RIF1: variants seen among roughly 807,000 people sequenced by gnomAD.
RIF1 encodes replication timing regulatory factor 1.
Under a neutral mutation model 247.1 loss-of-function variants are expected in RIF1, and 45 were observed. The ratio of observed to expected loss-of-function variants is 0.18; its 90% confidence interval spans 0.14 to 0.23. The LOEUF (loss-of-function observed/expected upper bound fraction) is 0.23. RIF1 is among the 10% of genes least tolerant of loss of function. RIF1 has a pLI of 1.00. For missense variants in RIF1, 2,967 were observed against 2,862.5 expected (o/e 1.04, Z -0.83); for synonymous variants, 1,087 against 978.8 (o/e 1.11, Z -2.06).
chr2:151,458,351 G>T (rs2152472377), intron 24 of RIF1, among the ~76,000 whole-genome samples: 1 of 149,502 alleles, frequency 6.7e-6, no homozygotes, highest in East Asian at 2.0e-4. Context: ...TCCTGCCTCA[G>T]CCTCCTGAGT....
rs2048993153 is a variant in RIF1, at chr2:151,477,617, G to A, written c.*2546G>A. The A allele has an allele frequency of 2.0e-5, 3 of 152,176 alleles. No individual in the cohort carries two copies. In the South Asian group the frequency reaches 6.2e-4, roughly 32 times the overall value. 9.4% of individuals were successfully genotyped at this position (152,176 alleles called of 1,614,324 possible). A position where few individuals can be genotyped will look rare whatever the true frequency, so the allele number is the denominator to read the frequency against. The stretch of plus-strand genomic sequence containing the variant: ...TTTTAGTAGAGAAGGGGTTCACTGT[G>A]TTAGCCAGGATGGTCTTGATCTGAC... On this transcript the variant is annotated 3_prime_UTR_variant, in exon 36 of 36. Transcript: ENST00000444746.
intron 9 of RIF1, chr2:151,494,280 G>T: frequency 6.8e-7 from 1 of 1,473,876 alleles, no homozygotes; most frequent in Non-Finnish European, 9.3e-7. Context: ...GGTCCAAAAA[G>T]CCAAAAAGAA....
At chr2:151,497,393 T>C in intron 10 of RIF1, 1 of 978,638 alleles carries the variant, frequency 1.0e-6, no homozygotes, top group South Asian at 4.7e-5. Flanking sequence ...CTCATTATTT[T>C]AAAAAAAAGA....
chr2:151,534,253 G>A, the RIF1 span: 25 of 1,613,730 alleles, frequency 1.5e-5, no homozygotes, highest in East Asian at 5.6e-4. Context: ...GCCAGCAGAT[G>A]TCTAGGCTCA....
Position 151,436,838 on chromosome 2 carries a change from C to A in RIF1, c.1207C>A (p.Pro403Thr). ...MTPVHKGASS[P>T]YGAPGTPRMN... Reference sequence around the variant, plus strand: ...TTTTTTTCTTAAAGGTGCTTCCTCCCCGTACGGAGCCCCGGGAACTCCCCG... The same window carrying A: ...TTTTTTTCTTAAAGGTGCTTCCTCCACGTACGGAGCCCCGGGAACTCCCCG... Residue 403 changes from proline (P) to threonine (T), a missense_variant, in exon 12 of 36, where the codon CCG becomes ACG. Physicochemically the swap from Pro to Thr is conservative, Grantham distance 38 (BLOSUM62 -1). This residue lies in a region of RIF1 where 369 missense variants were observed against 322.0 expected (regional missense o/e 1.15). Transcript: ENST00000444746. 2 of 1,597,720 alleles carry A rather than the reference C, an allele frequency of 1.3e-6. No homozygotes were observed. The highest frequency in any genetic ancestry group is 2.3e-5 in the South Asian group (2 of 87,314).
chr2:151,494,834 G>C (rs1314009867), intron 9 of RIF1: 1 of 152,676 alleles, frequency 6.5e-6, no homozygotes, highest in Non-Finnish European at 1.5e-5. Flanking sequence ...TTTTTTAGTA[G>C]AGACGGGGTT....
chr2:151,417,984 AAAT>A (rs1466776868), intron 6 of RIF1, among the ~76,000 whole-genome samples: 1 of 152,170 alleles, frequency 6.6e-6, no homozygotes, highest in Non-Finnish European at 1.5e-5. Flanking sequence ...GGTACACTAA[AAAT>A]ATGATAAAAA....
At chr2:151,494,353 C>T in intron 9 of RIF1, 1 of 807,184 alleles carries the variant, frequency 1.2e-6, no homozygotes. Flanking sequence ...CTTTAGGGCC[C>T]CAAACCATTT....
At chr2:151,415,033 T>C in intron 4 of RIF1, 114 bp downstream of exon 4, 1 of 657,976 alleles carries the variant, frequency 1.5e-6, no homozygotes, top group East Asian at 2.8e-5. Context: ...TCAGAACCTG[T>C]AGTTTAAGGT....
chr2:151,473,916 T>G (rs1006970956), intron 34 of RIF1, 48 bp from the exon 35 acceptor site: 2 of 900,834 alleles, frequency 2.2e-6, no homozygotes, highest in Non-Finnish European at 3.7e-6. Flanking sequence ...AGTTTCAATT[T>G]GTTGTTGTTG....
intron 16 of RIF1, among the ~76,000 whole-genome samples, chr2:151,442,504 C>T (rs1574015586): frequency 6.6e-6 from 1 of 151,136 alleles, no homozygotes; most frequent in African/African-American, 2.4e-5. Flanking sequence ...ATTAAATATG[C>T]TGCTATGTGA....
intron 20 of RIF1, among the ~76,000 whole-genome samples, chr2:151,449,148 C>A (rs1196998765): frequency 1.3e-5 from 2 of 152,168 alleles, no homozygotes; most frequent in Non-Finnish European, 2.9e-5. Context: ...TTCCCTCATA[C>A]TTGCTTGTTG....
At chr2:151,486,107 C>T (rs528886615), downstream of RIF1, among the ~76,000 whole-genome samples, 6 of 152,226 alleles carry the variant, frequency 3.9e-5, no homozygotes, top group East Asian at 1.2e-3. Flanking sequence ...ACTTGCAAGT[C>T]ATGTATCTGA....
At chr2:151,440,537 A>G (rs558398574) in intron 15 of RIF1, among the ~76,000 whole-genome samples, 1 of 151,124 alleles carries the variant, frequency 6.6e-6, no homozygotes, top group African/African-American at 2.4e-5. Context: ...TTTTTTTTTT[A>G]AACCCGTGTA....
rs1198789837 is a variant in RIF1, at chr2:151,416,872, T to G, written c.474T>G (p.Val158=). Residue 158 remains valine, a synonymous_variant, in exon 6 of 36, where the codon GTT becomes GTG. Transcript: ENST00000444746. The part of the protein sequence containing the change: ...FNKGETHSAV[V]DFEALNVIVR... ...AAGGAGAGACGCATTCTGCTGTTGT[T>G]GATTTTGAAGCATTAAATGTTATCG... 10 of 1,612,402 alleles carry G rather than the reference T, an allele frequency of 6.2e-6. No individual in the cohort carries two copies. Among genetic ancestry groups the G allele is most frequent in the Non-Finnish European group, 8.5e-6 (10 of 1,178,870 alleles).
chr2:151,439,479 A>T (rs1465181095), intron 14 of RIF1, among the ~76,000 whole-genome samples: 1 of 151,990 alleles, frequency 6.6e-6, no homozygotes, highest in Non-Finnish European at 1.5e-5. Flanking sequence ...CGTCTGACCA[A>T]CATGGAGAAA....
At chr2:151,510,348 C>T (rs1028014580), downstream of RIF1, among the ~76,000 whole-genome samples, 1 of 152,204 alleles carries the variant, frequency 6.6e-6, no homozygotes, top group African/African-American at 2.4e-5. Flanking sequence ...CTAGCCGAAA[C>T]TTTTGGTGGG....
chr2:151,460,192 G>GTA, intron 26 of RIF1, 73 bp downstream of exon 26: 1 of 1,181,304 alleles, frequency 8.5e-7, no homozygotes, highest in Non-Finnish European at 1.2e-6. Flanking sequence ...TTTAAAAATT[G>GTA]GATGAAAGAA....
rs997265791 is a variant in RIF1 at position 151,478,412 on chromosome 2, T to C, written c.*3341T>C. ...GAGACATGAGAATTGCTTGAACCTT[T>C]TAGGCGGAGGTTGCAGTGAGCCGAG... On this transcript the variant is annotated 3_prime_UTR_variant, in exon 36 of 36. Transcript: ENST00000444746. 3.3e-5 allele frequency: 5 copies of C among 151,962 alleles called. No individual in the cohort carries two copies. Among genetic ancestry groups the C allele is most frequent in the Non-Finnish European group, 5.9e-5 (4 of 68,008 alleles). The allele number at this position is 151,962 out of a possible 1,614,324, so 9.4% of individuals were successfully genotyped here.
Sources: allele counts gnomAD v4.1 joint callset (sites outside exome capture counted in the v4.1 genomes callset), GRCh38; gene constraint gnomAD v4.1.1; regional missense constraint gnomAD v4.1.1; transcripts MANE v1.5; gene names NCBI Gene and HGNC (gene_info 2026-07-23, HGNC 2026-07-21).